The following LRP1B variants were observed in gnomAD, a reference collection of about 807,000 sequenced individuals.
The protein encoded by LRP1B is LDL receptor related protein 1B.
Under a neutral mutation model 556.6 loss-of-function variants are expected in LRP1B, and 217 were observed. The observed-to-expected ratio is 0.39, with a 90% CI of 0.35 to 0.44. The LOEUF (loss-of-function observed/expected upper bound fraction) is 0.44. LRP1B is among the 20% of genes least tolerant of loss of function. The pLI is 1.00. For missense variants in LRP1B, 5,053 were observed against 5,620.8 expected, an observed-to-expected ratio of 0.90 and a Z score of 3.23; for synonymous variants, 2,047 against 1,865.8, an observed-to-expected ratio of 1.10 and a Z score of -2.50.
At chr2:141,049,286 T>C (rs1698969095) in intron 10 of LRP1B, 64 bp from the exon 11 acceptor site, 1 of 1,035,038 alleles carries the variant, frequency 9.7e-7, no homozygotes. Flanking sequence ...CACTGCATAA[T>C]GCCACCGTTT....
At chr2:141,424,174 C>T (rs1007260252) in intron 3 of LRP1B, among the ~76,000 whole-genome samples, 9 of 143,214 alleles carry the variant, frequency 6.3e-5, no homozygotes, top group Admixed American at 1.5e-4. Context: ...AGGGCAAAGG[C>T]GCAATCTTGG....
chr2:140,284,215 A>C (rs914888967), intron 84 of LRP1B, among the ~76,000 whole-genome samples: 2 of 151,670 alleles, frequency 1.3e-5, no homozygotes, highest in African/African-American at 4.8e-5. Context: ...AGAGTGCTTA[A>C]ATTCTGATAG....
chr2:140,320,085 C>G (rs567237284), intron 82 of LRP1B, among the ~76,000 whole-genome samples: 6 of 152,256 alleles, frequency 3.9e-5, no homozygotes, highest in Admixed American at 3.3e-4. Flanking sequence ...TCCCTCCTTC[C>G]ATTTAATCTA....
intron 7 of LRP1B, among the ~76,000 whole-genome samples, chr2:141,113,613 C>T (rs1306269745): frequency 6.6e-6 from 1 of 151,852 alleles, no homozygotes; most frequent in Non-Finnish European, 1.5e-5. Flanking sequence ...TATTATTATG[C>T]AGAACCAACA....
intron 1 of LRP1B, among the ~76,000 whole-genome samples, chr2:141,816,759 T>A (rs1696567523): frequency 1.3e-5 from 2 of 152,098 alleles, no homozygotes; most frequent in African/African-American, 4.8e-5. Flanking sequence ...TATATAGAGA[T>A]ATACACAAAT....
rs1558771592 is a variant in LRP1B at position 141,638,898 on chromosome 2, T to TGG, written c.206-158366_206-158365insCC. On this transcript the variant is annotated intron_variant, in intron 2 of 90. Transcript: ENST00000389484. ...ATATATATATGTGTGTGTATGTGCG[T>TGG]GTGTGTGTGTGTGTGTATACATACA... Among the ~76,000 whole-genome samples, 2 of 39,024 alleles carry TGG rather than the reference T, an allele frequency of 5.1e-5. 1 individual carries two copies. The highest frequency in any genetic ancestry group is 1.1e-4 in the Non-Finnish European group (2 of 17,918). 25.6% of individuals were successfully genotyped at this position (39,024 alleles called of 152,430 possible).
At chr2:141,024,140 CATTG>C (rs1474241078) in intron 11 of LRP1B, among the ~76,000 whole-genome samples, 1 of 151,944 alleles carries the variant, frequency 6.6e-6, no homozygotes, top group Non-Finnish European at 1.5e-5. Context: ...GAGGGAATGA[CATTG>C]ATTTAATTAA....
chr2:140,955,740 GGTAATC>G (rs988914405), intron 18 of LRP1B, among the ~76,000 whole-genome samples: 8 of 151,604 alleles, frequency 5.3e-5, no homozygotes, highest in Non-Finnish European at 1.0e-4. Context: ...TTCTCTCAAG[GGTAATC>G]GTGATTGGTA....
chr2:141,378,715 G>A (rs1689526812), intron 3 of LRP1B, among the ~76,000 whole-genome samples: 1 of 152,156 alleles, frequency 6.6e-6, no homozygotes, highest in Non-Finnish European at 1.5e-5. Context: ...ATTTTGAATA[G>A]CAGATTTGAA....
At chr2:141,591,710 G>A (rs916758517) in intron 2 of LRP1B, among the ~76,000 whole-genome samples, 1 of 151,962 alleles carries the variant, frequency 6.6e-6, no homozygotes, top group African/African-American at 2.4e-5. Flanking sequence ...CACAAATGTC[G>A]ACAGGCTTTA....
intron 67 of LRP1B, among the ~76,000 whole-genome samples, chr2:140,385,087 C>A (rs7581215): frequency 0.088 from 13,371 of 151,996 alleles, 695 homozygotes; most frequent in Middle Eastern, 0.14. Context: ...ATCTCTACAA[C>A]TAATAAAGAA....
At chr2:141,410,556 G>A (rs1690815021) in intron 3 of LRP1B, among the ~76,000 whole-genome samples, 1 of 152,038 alleles carries the variant, frequency 6.6e-6, no homozygotes, top group Admixed American at 6.5e-5. Flanking sequence ...GTGTCTGTGT[G>A]TGCACATGCA....
At chr2:141,682,053 A>AGAGACAG (rs1691124211) in intron 2 of LRP1B, among the ~76,000 whole-genome samples, 1 of 152,130 alleles carries the variant, frequency 6.6e-6, no homozygotes, top group African/African-American at 2.4e-5. Flanking sequence ...ATTTCGAAGC[A>AGAGACAG]AAAGTGAATA....
chr2:140,262,187 G>A lies in LRP1B; in HGVS notation c.13247+8055C>T, dbSNP rs561517165. Among the ~76,000 whole-genome samples the A allele has an allele frequency of 2.0e-5, 3 of 152,186 alleles. No homozygotes were observed. The South Asian group carries it at 6.2e-4, about 32-fold the overall frequency. On this transcript the variant is annotated intron_variant, in intron 86 of 90. Coordinates refer to ENST00000389484, the MANE Select transcript of LRP1B (RefSeq NM_018557.3). The stretch of plus-strand genomic sequence containing the variant: ...GCTTCTTGGGAAAATAGAAGCTAGA[G>A]TATGGAATGCCCAGGGAAACTCCAA...
At chr2:141,028,863 A>C (rs1053092347) in intron 11 of LRP1B, among the ~76,000 whole-genome samples, 6 of 152,152 alleles carry the variant, frequency 3.9e-5, no homozygotes, top group African/African-American at 1.4e-4. Context: ...TACCTATTGA[A>C]GCTTACATTC....
intron 83 of LRP1B, among the ~76,000 whole-genome samples, chr2:140,309,768 G>T (rs1684215988): frequency 6.6e-6 from 1 of 151,644 alleles, no homozygotes; most frequent in African/African-American, 2.4e-5. Flanking sequence ...TATAAAGAAA[G>T]ATCTATTTCT....
chr2:140,373,719 C>T (rs35810119), intron 68 of LRP1B, among the ~76,000 whole-genome samples: 10,600 of 152,060 alleles, frequency 0.07, 405 homozygotes, highest in Middle Eastern at 0.14. Context: ...ATGTAGTGCG[C>T]GATGATGGGC....
At position 140,776,139 on chromosome 2, in the gene LRP1B, C is replaced by A. The variant is rs1324528685; in HGVS notation, c.5459G>T (p.Gly1820Val). 1 of 1,577,764 alleles carries A rather than the reference C, an allele frequency of 6.3e-7. No individual in the cohort carries two copies. Among genetic ancestry groups the A allele is most frequent in the Non-Finnish European group, 8.6e-7 (1 of 1,167,372 alleles). Residue 1820 changes from glycine (G) to valine (V), a missense_variant, in exon 33 of 91, where the codon GGG (glycine) becomes GTG (valine). This residue lies in a region of LRP1B where 3,619 missense variants were observed against 3,931.9 expected (regional missense o/e 0.92). Transcript: ENST00000389484. ...NPTILRNKTSGVVHMKVYDKE... is the reference protein window; with the variant it reads ...NPTILRNKTSVVVHMKVYDKE... ...ATCATAGACTTTCATATGAACTACC[C>A]CAGAAGTCTTATTCCGTAGGATGGT... is the stretch of plus-strand genomic sequence containing the variant.
chr2:141,778,882 C>A (rs1301539020), intron 2 of LRP1B, among the ~76,000 whole-genome samples: 1 of 152,228 alleles, frequency 6.6e-6, no homozygotes, highest in East Asian at 1.9e-4. Context: ...CTGTTTAATG[C>A]TTTAGAAGTA....
Sources: gnomAD v4.1 joint callset for allele counts (sites outside exome capture counted in the v4.1 genomes callset) on GRCh38, gnomAD v4.1.1 for gene constraint, gnomAD v4.1.1 regional missense constraint, MANE v1.5 for transcripts, NCBI Gene and HGNC (gene_info 2026-07-23, HGNC 2026-07-21) for gene names.